The following ZNF148 variants were observed in gnomAD, a reference collection of about 807,000 sequenced individuals.
ZNF148 encodes the protein Beta-Enolase Repressor Factor-1.
In ZNF148, 7 loss-of-function variants were observed where a neutral mutation model predicts 67.7. The ratio of observed to expected loss-of-function variants is 0.10; its 90% CI spans 0.06 to 0.19. The LOEUF is 0.19. Ranked by LOEUF, ZNF148 falls within the 10% of genes least tolerant of loss-of-function variation. The probability of loss-of-function intolerance (pLI) is 1.00; values close to 1 mark genes in which losing one functional copy is unlikely to be tolerated. For missense variants in ZNF148, 583 were observed against 947.1 expected (o/e 0.62, Z 5.05); for synonymous variants, 333 against 330.7 (o/e 1.01, Z -0.08).
In ZNF148 at chr3:125,250,091, T is replaced by C. The variant is rs181367427; in HGVS notation, c.668-15762A>G. ...GTAAGATGAGTTAGTTCTGGAGATA[T>C]ATAGCATGGGACCTATAGTTAATAA... On this transcript the variant is annotated intron_variant, in intron 7 of 8. Transcript: ENST00000360647. Among the ~76,000 whole-genome samples, 92 of 152,286 alleles carry C rather than the reference T, an allele frequency of 6.0e-4. 1 individual carries two copies. The South Asian group carries it at 0.014, about 23-fold the overall frequency.
intron 7 of ZNF148, among the ~76,000 whole-genome samples, chr3:125,270,605 T>C (rs961806152): frequency 3.3e-5 from 5 of 152,040 alleles, no homozygotes; most frequent in Non-Finnish European, 5.9e-5. Flanking sequence ...AGTCAAAGAG[T>C]AGAGAAACTT....
chr3:125,242,642 C>CA lies in ZNF148; in HGVS notation c.668-8314dup, dbSNP rs574236398. On this transcript the variant is annotated intron_variant, in intron 7 of 8. Coordinates refer to ENST00000360647, the MANE Select transcript of ZNF148 (RefSeq NM_021964.3). The stretch of plus-strand genomic sequence containing the variant: ...GAGACTCTTGTCTCAAAAACAAAAA[C>CA]AAAAAAAACAAAAATGAAAAACAAA... 1.4e-4 allele frequency among the ~76,000 whole-genome samples: 21 copies of CA among 151,622 alleles called. No homozygotes were observed. The East Asian group carries it at 1.5e-3, about 11-fold the overall frequency.
chr3:125,333,442 C>G (rs1295933643), intron 1 of ZNF148, among the ~76,000 whole-genome samples: 1 of 152,186 alleles, frequency 6.6e-6, no homozygotes, highest in Non-Finnish European at 1.5e-5. Context: ...CATAGTCTGT[C>G]TCTGGAACCC....
At chr3:125,365,869 C>T (rs1942687000) in intron 1 of ZNF148, among the ~76,000 whole-genome samples, 1 of 152,172 alleles carries the variant, frequency 6.6e-6, no homozygotes, top group Admixed American at 6.5e-5. Context: ...TAGTCATCTT[C>T]CCCTCTTCCC....
intron 2 of ZNF148, among the ~76,000 whole-genome samples, chr3:125,328,404 C>T (rs1015949928): frequency 6.6e-6 from 1 of 151,620 alleles, no homozygotes; most frequent in Non-Finnish European, 1.5e-5. Flanking sequence ...AAGAGGCTCA[C>T]AAAGAAATGG....
At chr3:125,263,928 G>A (rs1341435718) in intron 7 of ZNF148, among the ~76,000 whole-genome samples, 1 of 152,224 alleles carries the variant, frequency 6.6e-6, no homozygotes, top group Non-Finnish European at 1.5e-5. Context: ...AGGAAGGGAA[G>A]AAGGGCTAGA....
chr3:125,293,495 T>C (rs1195576057), intron 4 of ZNF148, among the ~76,000 whole-genome samples: 1 of 152,182 alleles, frequency 6.6e-6, no homozygotes, highest in East Asian at 1.9e-4. Context: ...TGAGAAGTGG[T>C]TGAGCCCAGA....
chr3:125,332,237 C>CA (rs528874244), intron 1 of ZNF148, among the ~76,000 whole-genome samples: 17 of 151,886 alleles, frequency 1.1e-4, no homozygotes, highest in East Asian at 5.8e-4. Flanking sequence ...TAGTTACAAA[C>CA]AAAAAAAATC....
intron 1 of ZNF148, among the ~76,000 whole-genome samples, chr3:125,348,057 C>T (rs1942009650): frequency 6.6e-6 from 1 of 151,844 alleles, no homozygotes; most frequent in Admixed American, 6.6e-5. Flanking sequence ...GAGCTTGAGA[C>T]CAGCCTGGGC....
rs947799169 is a variant in ZNF148, at chr3:125,288,011, C to G, written c.459+92G>C. On this transcript the variant is annotated intron_variant, in intron 5 of 8. Transcript: ENST00000360647. Reference sequence around the variant, plus strand: ...ACTAAACCACACAAGACTTCTACATCTGCCTTAGGGTCCAGCCAGGTTCTT... The same window carrying G: ...ACTAAACCACACAAGACTTCTACATGTGCCTTAGGGTCCAGCCAGGTTCTT... 4 of 1,564,734 alleles carry G rather than the reference C, an allele frequency of 2.6e-6. No individual in the cohort carries two copies. In the South Asian group the frequency reaches 4.7e-5, roughly 19 times the overall value.
At chr3:125,287,095 C>T (rs1391339655) in intron 5 of ZNF148, among the ~76,000 whole-genome samples, 3 of 152,120 alleles carry the variant, frequency 2.0e-5, no homozygotes, top group African/African-American at 7.2e-5. Context: ...CTGGCTCCAA[C>T]ACACTAATAA....
chr3:125,255,352 T>A (rs1204210938), intron 7 of ZNF148, among the ~76,000 whole-genome samples: 1 of 147,112 alleles, frequency 6.8e-6, no homozygotes, highest in Admixed American at 6.9e-5. Context: ...GTTCAAGCGA[T>A]TCTCCTGCCT....
intron 1 of ZNF148, among the ~76,000 whole-genome samples, chr3:125,359,365 T>A (rs540395456): frequency 6.6e-6 from 1 of 152,238 alleles, no homozygotes; most frequent in Non-Finnish European, 1.5e-5. Context: ...TGTCATATTT[T>A]TCTCACTGCC....
intron 7 of ZNF148, among the ~76,000 whole-genome samples, chr3:125,235,558 T>C (rs1936046673): frequency 6.6e-6 from 1 of 152,174 alleles, no homozygotes; most frequent in Non-Finnish European, 1.5e-5. Context: ...TCTTTAAGTT[T>C]CCACAGAATT....
chr3:125,352,527 A>G lies in ZNF148; in HGVS notation c.-233-21289T>C, dbSNP rs995949007. ...TGTATAGCTTAAGTGGGTGAATTGT[A>G]TGGTATATAAGTTATACCTCAATAA... is the stretch of plus-strand genomic sequence containing the variant. On this transcript the variant is annotated intron_variant, in intron 1 of 8. Coordinates refer to ENST00000360647, the MANE Select transcript of ZNF148 (RefSeq NM_021964.3). 2.0e-5 allele frequency among the ~76,000 whole-genome samples: 3 copies of G among 152,182 alleles called. No individual in the cohort carries two copies. In the East Asian group the frequency reaches 5.8e-4, roughly 29 times the overall value.
chr3:125,258,997 C>T lies in ZNF148; in HGVS notation c.667+18729G>A, dbSNP rs1192964792. 5.9e-5 allele frequency among the ~76,000 whole-genome samples: 9 copies of T among 151,920 alleles called. No individual in the cohort carries two copies. The East Asian group carries it at 7.7e-4, about 13-fold the overall frequency. ...TTATTTTATATTACAGTTAGAAATA[C>T]GAAGTTAATTGTATATTGCACAGAA... is the stretch of plus-strand genomic sequence containing the variant. On this transcript the variant is annotated intron_variant, in intron 7 of 8. Coordinates refer to ENST00000360647, the MANE Select transcript of ZNF148 (RefSeq NM_021964.3).
At chr3:125,285,265 A>C (rs1938599210) in intron 5 of ZNF148, among the ~76,000 whole-genome samples, 1 of 152,232 alleles carries the variant, frequency 6.6e-6, no homozygotes, top group Non-Finnish European at 1.5e-5. Context: ...ATTTAAAACA[A>C]GTAACACTTA....
intron 2 of ZNF148, among the ~76,000 whole-genome samples, chr3:125,330,912 TAAGAG>T (rs1198016712): frequency 6.6e-6 from 1 of 152,172 alleles, no homozygotes; most frequent in Non-Finnish European, 1.5e-5. Flanking sequence ...CAAGTAATCT[TAAGAG>T]AAGATAATTG....
At chr3:125,348,480 C>CAAAAA (rs35810148) in intron 1 of ZNF148, among the ~76,000 whole-genome samples, 7 of 60,724 alleles carry the variant, frequency 1.2e-4, no homozygotes, top group African/African-American at 3.5e-4. Flanking sequence ...GACCCTGTCT[C>CAAAAA]AAAAAAAAAA....
Sources: allele counts gnomAD v4.1 joint callset (sites outside exome capture counted in the v4.1 genomes callset), GRCh38; gene constraint gnomAD v4.1.1; transcripts MANE v1.5; gene names NCBI Gene and HGNC (gene_info 2026-07-23, HGNC 2026-07-21).